SOX6: variants seen among roughly 807,000 people sequenced by gnomAD.
SOX6 encodes transcription factor SOX-6.
In SOX6, 11 loss-of-function variants were observed where a neutral mutation model predicts 97.8. The ratio of observed to expected loss-of-function variants is 0.11; its 90% confidence interval spans 0.07 to 0.19. The LOEUF is 0.19. Ranked by LOEUF, SOX6 falls within the 10% of genes least tolerant of loss-of-function variation. The probability of loss-of-function intolerance (pLI) is 1.00; values close to 1 mark genes in which losing one functional copy is unlikely to be tolerated. For missense variants in SOX6, 810 were observed against 1,039.5 expected (o/e 0.78, Z 3.04); for synonymous variants, 360 against 371.4 (o/e 0.97, Z 0.35).
At chr11:16,575,637 C>G (rs980038839) in intron 4 of SOX6, among the ~76,000 whole-genome samples, 8 of 152,084 alleles carry the variant, frequency 5.3e-5, no homozygotes, top group African/African-American at 1.9e-4. Flanking sequence ...TGCATGATTC[C>G]ATTTATATAA....
chr11:15,978,993 T>C (rs1349465176), intron 15 of SOX6, among the ~76,000 whole-genome samples: 1 of 112,930 alleles, frequency 8.9e-6, no homozygotes, highest in Non-Finnish European at 2.0e-5. Flanking sequence ...TATAAGCATA[T>C]ATACATGCTT....
Position 16,283,089 on chromosome 11 carries a change from G to GTATATATATATATA in SOX6, c.445+35343_445+35356dup, listed in dbSNP as rs10581083. Among the ~76,000 whole-genome samples the GTATATATATATATA allele has an allele frequency of 5.6e-3, 634 of 113,662 alleles. 15 individuals carry two copies. The highest frequency in any genetic ancestry group is 0.024 in the Middle Eastern group (5 of 206). The allele number at this position is 113,662 out of a possible 152,430, so 74.6% of individuals were successfully genotyped here. A position where few individuals can be genotyped will look rare whatever the true frequency, so the allele number is the denominator to read the frequency against. ...TATATATGTAAATTATATATAATTT[G>GTATATATATATATA]TATATATATATATATATATATATAT... On this transcript the variant is annotated intron_variant, in intron 3 of 15. Transcript: ENST00000683767.
Position 16,111,853 on chromosome 11 carries a change from G to C in SOX6, c.848C>G (p.Ala283Gly). ...GAAGAGGAATCCCTGTTGGGCAGCAGCAGCTGCTGCCAGAGTCCGCTGGTC... is the reference window on the plus strand; with the variant it reads ...GAAGAGGAATCCCTGTTGGGCAGCACCAGCTGCTGCCAGAGTCCGCTGGTC... ...PHDQRTLAAA[A>G]AAQQGFLFPP... The change falls in exon 7 of 16, where the codon GCT (alanine) becomes GGT (glycine). Residue 283 changes from alanine (A) to glycine (G), a missense_variant. Physicochemically the swap from Ala to Gly is moderately conservative, Grantham distance 60. This residue lies in a region of SOX6 where 244 missense variants were observed against 261.0 expected (regional missense o/e 0.93). Transcript: ENST00000683767. 1 of 1,612,988 alleles carries C rather than the reference G, an allele frequency of 6.2e-7. No homozygotes were observed. Among genetic ancestry groups the C allele is most frequent in the Middle Eastern group, 1.9e-4 (1 of 5,162 alleles).
chr11:16,079,169 C>T (rs1029251135), intron 9 of SOX6, among the ~76,000 whole-genome samples: 3 of 152,090 alleles, frequency 2.0e-5, no homozygotes, highest in Admixed American at 2.0e-4. Flanking sequence ...GATGCTGTTG[C>T]TTGAAAAATA....
At chr11:16,283,339 T>C (rs868646966) in intron 3 of SOX6, among the ~76,000 whole-genome samples, 1 of 150,750 alleles carries the variant, frequency 6.6e-6, no homozygotes, top group African/African-American at 2.4e-5. Flanking sequence ...AATATTAAAA[T>C]AGAAATATAT....
intron 3 of SOX6, among the ~76,000 whole-genome samples, chr11:16,639,772 T>A (rs1370147994): frequency 6.6e-6 from 1 of 152,202 alleles, no homozygotes; most frequent in Admixed American, 6.5e-5. Context: ...ATCCTGAGAC[T>A]TTGCTGAAGT....
At chr11:16,089,289 G>A (rs567391647) in intron 9 of SOX6, among the ~76,000 whole-genome samples, 9 of 152,032 alleles carry the variant, frequency 5.9e-5, no homozygotes, top group South Asian at 4.2e-4. Flanking sequence ...TTAGAAAACC[G>A]GGGGGAAAGC....
intron 4 of SOX6, among the ~76,000 whole-genome samples, chr11:16,517,753 G>C (rs1249178436): frequency 3.9e-5 from 6 of 152,104 alleles, no homozygotes; most frequent in Non-Finnish European, 8.8e-5. Flanking sequence ...TTCATTAAAA[G>C]TATTCCTGAA....
chr11:16,088,765 G>A (rs2133964675), intron 9 of SOX6, among the ~76,000 whole-genome samples: 1 of 152,184 alleles, frequency 6.6e-6, no homozygotes, highest in South Asian at 2.1e-4. Context: ...TAAATTAGAG[G>A]GAAAACTTGA....
chr11:16,330,578 C>A (rs1856258767), intron 2 of SOX6, among the ~76,000 whole-genome samples: 1 of 151,902 alleles, frequency 6.6e-6, no homozygotes, highest in Non-Finnish European at 1.5e-5. Flanking sequence ...CAAACAAAAA[C>A]AACATTCAAC....
intron 1 of SOX6, among the ~76,000 whole-genome samples, chr11:16,398,717 C>A (rs1192671680): frequency 6.7e-6 from 1 of 148,760 alleles, no homozygotes; most frequent in Non-Finnish European, 1.5e-5. Context: ...TTATGTATTT[C>A]TTCTATAAGG....
chr11:16,543,882 G>A (rs1322443029), intron 4 of SOX6, among the ~76,000 whole-genome samples: 1 of 152,140 alleles, frequency 6.6e-6, no homozygotes, highest in Admixed American at 6.6e-5. Flanking sequence ...ATGCTGCTAT[G>A]TATCTTCCTA....
At chr11:16,473,821 A>G (rs558573406) in intron 1 of SOX6, among the ~76,000 whole-genome samples, 2 of 152,276 alleles carry the variant, frequency 1.3e-5, no homozygotes, top group African/African-American at 4.8e-5. Flanking sequence ...AAATAAGACA[A>G]TGAAGTTTGC....
chr11:16,464,497 G>A (rs1859990984), intron 1 of SOX6, among the ~76,000 whole-genome samples: 1 of 151,228 alleles, frequency 6.6e-6, no homozygotes, highest in Admixed American at 6.6e-5. Flanking sequence ...AAAGGAAAAG[G>A]AAGGGGAAGG....
intron 3 of SOX6, among the ~76,000 whole-genome samples, chr11:16,235,837 G>A (rs1213254814): frequency 6.6e-6 from 1 of 152,056 alleles, no homozygotes; most frequent in Non-Finnish European, 1.5e-5. Context: ...AAAAGACCAT[G>A]AGCCCTGGCT....
chr11:16,235,724 C>T (rs912290110), intron 3 of SOX6, among the ~76,000 whole-genome samples: 46 of 152,048 alleles, frequency 3.0e-4, no homozygotes, highest in Non-Finnish European at 1.2e-4. Flanking sequence ...TTTTCCCTTT[C>T]ATTTTTTATT....
chr11:16,132,398 G>GAA (rs372372378), intron 6 of SOX6, among the ~76,000 whole-genome samples: 1 of 48,134 alleles, frequency 2.1e-5, no homozygotes, highest in Non-Finnish European at 3.8e-5. Flanking sequence ...AAGAAAGAAA[G>GAA]AAAAAAGAAA....
At position 15,990,091 on chromosome 11, in the gene SOX6, C is replaced by T. The variant is rs147074596; in HGVS notation, c.1733-861G>A. On this transcript the variant is annotated intron_variant, in intron 13 of 15. Transcript: ENST00000683767. ...AGCACTTGCAGTGATGCTCCCCAGG[C>T]TGCACTCAGTCCTCTTGCTTTCAGG... is the stretch of plus-strand genomic sequence containing the variant. 1.2e-4 allele frequency among the ~76,000 whole-genome samples: 19 copies of T among 152,128 alleles called. 1 individual carries two copies. The East Asian group carries it at 3.7e-3, about 29-fold the overall frequency.
intron 3 of SOX6, among the ~76,000 whole-genome samples, chr11:16,689,150 G>A (rs1321972807): frequency 2.6e-5 from 4 of 152,222 alleles, no homozygotes; most frequent in South Asian, 2.1e-4. Flanking sequence ...TTCCCTGGAC[G>A]AGAATAGTTT....
Sources: allele counts gnomAD v4.1 joint callset (sites outside exome capture counted in the v4.1 genomes callset), GRCh38; gene constraint gnomAD v4.1.1; regional missense constraint gnomAD v4.1.1; transcripts MANE v1.5; gene names NCBI Gene and HGNC (gene_info 2026-07-23, HGNC 2026-07-21).